OR51B5: variants seen among roughly 807,000 people sequenced by gnomAD.
OR51B5 encodes olfactory receptor family 51 subfamily B member 5.
For missense variants in OR51B5, 456 were observed against 374.6 expected (o/e 1.22, Z -1.79); for synonymous variants, 186 against 144.8 (o/e 1.28, Z -2.04).
At chr11:5,370,649 G>A (rs887821077) in intron 1 of OR51B5, among the ~76,000 whole-genome samples, 18 of 152,094 alleles carry the variant, frequency 1.2e-4, no homozygotes, top group Admixed American at 8.5e-4. Context: ...TCTAATGAGA[G>A]GCTTCTCTAT....
At chr11:5,390,434 G>A in intron 1 of OR51B5, 9 of 1,431,584 alleles carry the variant, frequency 6.3e-6, no homozygotes, top group South Asian at 1.4e-5. Flanking sequence ...AAATTGGACT[G>A]AAAATTTGGA....
At chr11:5,387,908 ATG>A (rs1214614301) in intron 1 of OR51B5, among the ~76,000 whole-genome samples, 1 of 151,950 alleles carries the variant, frequency 6.6e-6, no homozygotes, top group Non-Finnish European at 1.5e-5. Context: ...GTATGTATGT[ATG>A]TGTTTATTTT....
intron 1 of OR51B5, among the ~76,000 whole-genome samples, chr11:5,477,897 T>C (rs1199489007): frequency 1.3e-5 from 2 of 151,722 alleles, no homozygotes; most frequent in Non-Finnish European, 1.5e-5. Flanking sequence ...AGCACAGCAG[T>C]CTGGGATCAA....
Position 5,427,273 on chromosome 11 carries a change from G to A in OR51B5, n.84+78296C>T, listed in dbSNP as rs200434301. ...CTTTTATCCTATTAATCTGTCTGTT[G>A]TCAGTCATTCCAGTGAATCTTCACA... is the stretch of plus-strand genomic sequence containing the variant. On this transcript the variant is annotated intron_variant and non_coding_transcript_variant, in intron 1 of 4. Transcript: ENST00000415970. Among the ~76,000 whole-genome samples the A allele has an allele frequency of 7.9e-5, 12 of 152,300 alleles. No homozygotes were observed. The East Asian group carries it at 1.2e-3, about 15-fold the overall frequency.
chr11:5,464,563 T>A (rs1440676402), intron 1 of OR51B5, among the ~76,000 whole-genome samples: 1 of 151,848 alleles, frequency 6.6e-6, no homozygotes. Flanking sequence ...TGCGATAGTT[T>A]ACTGAGAATG....
intron 1 of OR51B5, among the ~76,000 whole-genome samples, chr11:5,379,455 TATA>T (rs1290734917): frequency 6.3e-5 from 9 of 143,366 alleles, no homozygotes; most frequent in African/African-American, 1.1e-4. Context: ...AATCTTAAAG[TATA>T]ATAATAATAA....
chr11:5,387,024 G>C (rs1369948688), intron 1 of OR51B5, among the ~76,000 whole-genome samples: 1 of 152,000 alleles, frequency 6.6e-6, no homozygotes, highest in Non-Finnish European at 1.5e-5. Flanking sequence ...GATATGTAAC[G>C]GAGTTATCTG....
At chr11:5,473,951 A>G (rs1023438345) in intron 1 of OR51B5, among the ~76,000 whole-genome samples, 4 of 152,018 alleles carry the variant, frequency 2.6e-5, no homozygotes, top group African/African-American at 7.2e-5. Context: ...AATGAGAAAA[A>G]TAAGTCTGCC....
chr11:5,370,897 T>C (rs1017669396), intron 1 of OR51B5, among the ~76,000 whole-genome samples: 12 of 152,196 alleles, frequency 7.9e-5, no homozygotes, highest in Non-Finnish European at 1.6e-4. Context: ...CTGAGAGTTG[T>C]AGAGGCAAAA....
chr11:5,355,692 A>AAGTT (rs1422036486), intron 1 of OR51B5: 1 of 152,188 alleles, frequency 6.6e-6, no homozygotes, highest in Non-Finnish European at 1.5e-5. Flanking sequence ...TCATCTGTAA[A>AAGTT]AGTTATGTTT....
chr11:5,348,575 CA>C (rs1457215483), intron 1 of OR51B5, among the ~76,000 whole-genome samples: 1 of 152,074 alleles, frequency 6.6e-6, no homozygotes, highest in Admixed American at 6.5e-5. Flanking sequence ...GCCTCTGGAT[CA>C]GGGGTACAGA....
intron 1 of OR51B5, among the ~76,000 whole-genome samples, chr11:5,407,266 T>C (rs546658142): frequency 6.6e-6 from 1 of 152,278 alleles, no homozygotes; most frequent in Admixed American, 6.5e-5. Flanking sequence ...AAAAAGCATA[T>C]AATAATAATC....
At chr11:5,354,036 T>C (rs1043725308) in intron 1 of OR51B5, among the ~76,000 whole-genome samples, 2 of 152,212 alleles carry the variant, frequency 1.3e-5, no homozygotes, top group Non-Finnish European at 2.9e-5. Flanking sequence ...TATAACATAG[T>C]TCTTATTCCC....
intron 1 of OR51B5, among the ~76,000 whole-genome samples, chr11:5,378,627 C>T (rs766111145): frequency 3.3e-5 from 5 of 152,102 alleles, no homozygotes; most frequent in Admixed American, 6.5e-5. Flanking sequence ...AAAAAACAAA[C>T]AGCCCCATCA....
intron 1 of OR51B5, among the ~76,000 whole-genome samples, chr11:5,478,672 T>C (rs1294460896): frequency 6.6e-6 from 1 of 151,254 alleles, no homozygotes; most frequent in Non-Finnish European, 1.5e-5. Flanking sequence ...TTAAAGGAGC[T>C]GATGGAGCTG....
At chr11:5,491,916 G>A (rs1242278615) in intron 1 of OR51B5, among the ~76,000 whole-genome samples, 1 of 152,176 alleles carries the variant, frequency 6.6e-6, no homozygotes, top group African/African-American at 2.4e-5. Flanking sequence ...ACCTGATCCT[G>A]CTAGAGCCTT....
At chr11:5,380,146 C>A (rs541519989) in intron 1 of OR51B5, among the ~76,000 whole-genome samples, 1 of 151,436 alleles carries the variant, frequency 6.6e-6, no homozygotes, top group African/African-American at 2.4e-5. Flanking sequence ...AAATGAAAAT[C>A]GGTTCCCTTT....
At chr11:5,504,320 C>T (rs1846342735) in intron 1 of OR51B5, among the ~76,000 whole-genome samples, 1 of 152,206 alleles carries the variant, frequency 6.6e-6, no homozygotes, top group South Asian at 2.1e-4. Flanking sequence ...GTATTGCAGA[C>T]TTTAACACGG....
Position 5,501,246 on chromosome 11 carries a change from C to G in OR51B5, n.84+4323G>C, listed in dbSNP as rs909786281. The stretch of plus-strand genomic sequence containing the variant: ...ATGACTTCTGGGTGGCTATACTAAC[C>G]TATGCCTGGGCTACAATAAGAACTC... On this transcript the variant is annotated intron_variant and non_coding_transcript_variant, in intron 1 of 4. Coordinates refer to the OR51B5 transcript ENST00000415970. Among the ~76,000 whole-genome samples the G allele has an allele frequency of 4.1e-5, 6 of 147,728 alleles. 1 individual carries two copies. The highest frequency in any genetic ancestry group is 4.9e-5 in the African/African-American group (2 of 41,174).
Sources: gnomAD v4.1 joint callset for allele counts (sites outside exome capture counted in the v4.1 genomes callset) on GRCh38, gnomAD v4.1.1 for gene constraint, MANE v1.5 for transcripts, NCBI Gene and HGNC (gene_info 2026-07-23, HGNC 2026-07-21) for gene names.